COL4A3: variants seen among roughly 807,000 people sequenced by gnomAD.
COL4A3 encodes collagen alpha-3(IV) chain.
In COL4A3, 135 loss-of-function variants were observed where a neutral mutation model predicts 217.4. The ratio of observed to expected loss-of-function variants is 0.62; its 90% CI spans 0.54 to 0.72. COL4A3 has a LOEUF of 0.72. Among genes scored for constraint, COL4A3 ranks in the 30% least tolerant of loss-of-function variants. COL4A3 has a pLI of 0.00. For synonymous variants in COL4A3, 690 were observed against 736.3 expected (o/e 0.94, Z 1.02); for missense variants, 1,868 against 2,119.9 (o/e 0.88, Z 2.33).
chr2:227,280,764 G>A, intron 30 of COL4A3, 129 bp from the exon 31 acceptor site: 1 of 1,026,922 alleles, frequency 9.7e-7, no homozygotes, highest in Middle Eastern at 2.0e-4. Context: ...CTCTAGAAAA[G>A]GCATATTAAT....
At position 227,307,846 on chromosome 2, in the gene COL4A3, G is replaced by C; in HGVS notation, c.4389G>C (p.Gly1463=). The C allele has an allele frequency of 6.2e-7, 1 of 1,614,176 alleles. No homozygotes were observed. Among genetic ancestry groups the C allele is most frequent in the Non-Finnish European group, 8.5e-7 (1 of 1,180,026 alleles). The change falls in exon 48 of 52, where the codon GGG becomes GGC. Residue 1463 remains glycine, a synonymous_variant. Transcript: ENST00000396578. The stretch of plus-strand genomic sequence containing the variant: ...CAGCAATTCCTTCATGTCCAGAGGG[G>C]ACAGTGCCACTCTACAGTGGGTTTT... The part of the protein sequence containing the change: ...QTTAIPSCPE[G]TVPLYSGFSF...
intron 1 of COL4A3, among the ~76,000 whole-genome samples, chr2:227,193,743 GGGAGGGAAGGAA>G (rs1448938709): frequency 2.9e-4 from 8 of 27,316 alleles, no homozygotes; most frequent in African/African-American, 8.4e-4. Flanking sequence ...GAGGGAGGGA[GGGAGGGAAGGAA>G]GGAAGGAAGG....
At chr2:227,236,305 T>C (rs1213181745) in intron 1 of COL4A3, among the ~76,000 whole-genome samples, 1 of 152,212 alleles carries the variant, frequency 6.6e-6, no homozygotes, top group African/African-American at 2.4e-5. Context: ...TATATGAACA[T>C]GATGAGTGTC....
intron 1 of COL4A3, among the ~76,000 whole-genome samples, chr2:227,230,569 G>T (rs1482214890): frequency 6.6e-6 from 1 of 151,916 alleles, no homozygotes; most frequent in Non-Finnish European, 1.5e-5. Context: ...GTAATGAATG[G>T]GTTATTACTA....
chr2:227,242,400 G>A (rs144006573), intron 3 of COL4A3, among the ~76,000 whole-genome samples: 2 of 152,266 alleles, frequency 1.3e-5, no homozygotes, highest in African/African-American at 2.4e-5. Context: ...GAACGTGAAC[G>A]TTCACCCACC....
chr2:227,265,700 G>A (rs929454051), intron 21 of COL4A3, among the ~76,000 whole-genome samples: 1 of 152,146 alleles, frequency 6.6e-6, no homozygotes, highest in Non-Finnish European at 1.5e-5. Flanking sequence ...AAAATACAAT[G>A]TATCCAAAAA....
intron 43 of COL4A3, among the ~76,000 whole-genome samples, chr2:227,299,118 G>A (rs1355725874): frequency 3.3e-5 from 5 of 152,160 alleles, no homozygotes; most frequent in African/African-American, 4.8e-5. Context: ...CAGATCGGCC[G>A]GGCATGGTGG....
At chr2:227,200,135 C>A (rs113139827) in intron 1 of COL4A3, among the ~76,000 whole-genome samples, 2 of 152,098 alleles carry the variant, frequency 1.3e-5, no homozygotes, top group Non-Finnish European at 2.9e-5. Flanking sequence ...TGTCACCCCA[C>A]CATCTTATGA....
At position 227,280,462 on chromosome 2, in the gene COL4A3, C is replaced by A. The variant is rs918245943; in HGVS notation, c.2246C>A (p.Pro749His). ...TAGGGAGAACCAGCAGTAGCCATGCCTGGAGGACCAGGAACACCAGGTTTT... is the reference window on the plus strand; with the variant it reads ...TAGGGAGAACCAGCAGTAGCCATGCATGGAGGACCAGGAACACCAGGTTTT... ...GAKGEPAVAMPGGPGTPGFPG... is the reference protein window; with the variant it reads ...GAKGEPAVAMHGGPGTPGFPG... The change falls in exon 30 of 52, where the codon CCT becomes CAT. Residue 749 changes from proline (P) to histidine (H), a missense_variant. Pro to His is a moderately conservative substitution (Grantham distance 77). This residue lies in a region of COL4A3 where 1,503 missense variants were observed against 1,786.1 expected (regional missense o/e 0.84). Transcript: ENST00000396578. The A allele has an allele frequency of 2.5e-6, 4 of 1,614,116 alleles. No homozygotes were observed. The highest frequency in any genetic ancestry group is 1.1e-5 in the South Asian group (1 of 91,072).
Position 227,307,184 on chromosome 2 carries a change from TACTTGACTTA to T in COL4A3, c.4253-525_4253-516del, listed in dbSNP as rs1228801907. Among the ~76,000 whole-genome samples the T allele has an allele frequency of 2.0e-5, 3 of 152,358 alleles. No homozygotes were observed. In the East Asian group the frequency reaches 5.8e-4, roughly 29 times the overall value. On this transcript the variant is annotated intron_variant, in intron 47 of 51. Coordinates refer to ENST00000396578, the MANE Select transcript of COL4A3 (RefSeq NM_000091.5). ...AGTGAAAAAAAAAGCCTTCTCTTCT[TACTTGACTTA>T]CAAATTGATCAAAACTTCCTTGAAG... is the stretch of plus-strand genomic sequence containing the variant.
chr2:227,211,291 A>G (rs13427505), intron 1 of COL4A3, among the ~76,000 whole-genome samples: 11,597 of 152,130 alleles, frequency 0.076, 643 homozygotes, highest in African/African-American at 0.15. Flanking sequence ...GTGCCACTGC[A>G]CGCGGCCCCA....
intron 2 of COL4A3, 96 bp from the exon 3 acceptor site, chr2:227,240,047 T>C (rs1448871468): frequency 9.2e-7 from 1 of 1,087,972 alleles, no homozygotes; most frequent in East Asian, 2.6e-5. Flanking sequence ...AGAGTCACCA[T>C]GAAGTCATAA....
intron 1 of COL4A3, chr2:227,221,184 T>C (rs2067765130): frequency 6.6e-6 from 1 of 152,264 alleles, no homozygotes; most frequent in Non-Finnish European, 1.5e-5. Flanking sequence ...CATCTTCTTC[T>C]TGACCTCTGT....
chr2:227,197,982 C>T (rs2066546629), intron 1 of COL4A3, among the ~76,000 whole-genome samples: 1 of 152,214 alleles, frequency 6.6e-6, no homozygotes, highest in Admixed American at 6.5e-5. Flanking sequence ...TATTGCTTCT[C>T]CTGCCTTCTC....
At chr2:227,283,731 C>T (rs776190038) in intron 32 of COL4A3, 36 bp from the exon 33 acceptor site, 6 of 1,559,068 alleles carry the variant, frequency 3.8e-6, no homozygotes, top group Admixed American at 1.7e-5. Flanking sequence ...TCACTCTGTA[C>T]AACACGTGCT....
chr2:227,288,248 C>T lies in COL4A3; in HGVS notation c.2882-902C>T, dbSNP rs182142442. Among the ~76,000 whole-genome samples the T allele has an allele frequency of 1.2e-3, 179 of 152,276 alleles. 1 individual carries two copies. Among genetic ancestry groups the T allele is most frequent in the African/African-American group, 4.2e-3 (174 of 41,560 alleles). On this transcript the variant is annotated intron_variant, in intron 34 of 51. Coordinates refer to ENST00000396578, the MANE Select transcript of COL4A3 (RefSeq NM_000091.5). ...AGTAGCTGGGATTACAGGTGTGTGC[C>T]ACCAAGCCAGCTACTTTTTATATTT...
intron 43 of COL4A3, among the ~76,000 whole-genome samples, chr2:227,301,602 G>A (rs1340903334): frequency 6.6e-6 from 1 of 152,190 alleles, no homozygotes; most frequent in Non-Finnish European, 1.5e-5. Context: ...AAAGGACACT[G>A]GGATATATAA....
intron 1 of COL4A3, among the ~76,000 whole-genome samples, chr2:227,203,792 T>A (rs186060273): frequency 6.6e-6 from 1 of 150,572 alleles, no homozygotes; most frequent in Non-Finnish European, 1.5e-5. Flanking sequence ...TGTGTGTATA[T>A]ATATACACTA....
intron 28 of COL4A3, among the ~76,000 whole-genome samples, chr2:227,278,794 A>G (rs1348994963): frequency 1.3e-5 from 2 of 152,214 alleles, no homozygotes; most frequent in Admixed American, 6.5e-5. Flanking sequence ...GAGATTTACA[A>G]TTTCACAATT....
Sources: allele counts gnomAD v4.1 joint callset (sites outside exome capture counted in the v4.1 genomes callset), GRCh38; gene constraint gnomAD v4.1.1; regional missense constraint gnomAD v4.1.1; transcripts MANE v1.5; gene names NCBI Gene and HGNC (gene_info 2026-07-23, HGNC 2026-07-21).